The following DUT variants were observed in gnomAD, a reference collection of about 807,000 sequenced individuals.
The protein encoded by DUT is deoxyuridine 5'-triphosphate nucleotidohydrolase, mitochondrial.
DUT carries 21 observed loss-of-function variants against 28.8 expected under a neutral mutation model. The ratio of observed to expected loss-of-function variants is 0.73; its 90% CI spans 0.52 to 1.05. DUT has a LOEUF of 1.05. DUT is among the 50% of genes least tolerant of loss of function. DUT has a pLI of 0.00. For synonymous variants in DUT, 147 were observed against 143.7 expected (o/e 1.02, Z -0.17); for missense variants, 344 against 351.8 (o/e 0.98, Z 0.18).
intron 4 of DUT, among the ~76,000 whole-genome samples, chr15:48,339,935 G>T (rs1377029784): frequency 6.6e-6 from 1 of 152,052 alleles, no homozygotes; most frequent in Admixed American, 6.6e-5. Flanking sequence ...GGACCTAAGG[G>T]TTTGCTTTTT....
chr15:48,343,365 C>G lies in DUT; in HGVS notation c.*1287C>G, dbSNP rs914316288. 1.3e-5 allele frequency: 2 copies of G among 152,182 alleles called. No homozygotes were observed. Among genetic ancestry groups the G allele is most frequent in the African/African-American group, 4.8e-5 (2 of 41,450 alleles). The allele number at this position is 152,182 out of a possible 1,614,324, so 9.4% of individuals were successfully genotyped here. ...TCAATAAATTTTAAATGTTTTCCTG[C>G]TAAACTAACCAGAATGAATTCTGTT... On this transcript the variant is annotated 3_prime_UTR_variant, in exon 7 of 7. Transcript: ENST00000331200.
rs2042551108 is a variant in DUT at position 48,342,546 on chromosome 15, GA to G, written c.*472del. On this transcript the variant is annotated 3_prime_UTR_variant, in exon 7 of 7. Coordinates refer to ENST00000331200, the MANE Select transcript of DUT (RefSeq NM_001025248.2). ...GCATAAGCTGAACTAAAATAAAAAT[GA>G]AAAGGAGAGATTAAAGGTATTCCTT... 6.6e-6 allele frequency: 1 copy of G among 152,178 alleles called. No individual in the cohort carries two copies. Among genetic ancestry groups the G allele is most frequent in the South Asian group, 2.1e-4 (1 of 4,826 alleles). 9.4% of individuals were successfully genotyped at this position (152,178 alleles called of 1,614,324 possible). A position where few individuals can be genotyped will look rare whatever the true frequency, so the allele number is the denominator to read the frequency against.
At chr15:48,339,788 T>G (rs2042512926) in intron 4 of DUT, among the ~76,000 whole-genome samples, 1 of 152,172 alleles carries the variant, frequency 6.6e-6, no homozygotes, top group African/African-American at 2.4e-5. Flanking sequence ...ATCAGGAACC[T>G]TTTAAGAAGT....
intron 4 of DUT, among the ~76,000 whole-genome samples, chr15:48,337,947 C>T (rs2141164743): frequency 6.6e-6 from 1 of 152,200 alleles, no homozygotes; most frequent in Non-Finnish European, 1.5e-5. Context: ...AAAAGGTTTC[C>T]AACAAATGAC....
rs142190876 is a variant in DUT, at chr15:48,338,862, C to T, written c.557-2427C>T. Reference sequence around the variant, plus strand: ...CATAGAAACAATGGTACAGGTTGGGCGTTGTGGCTCATGCCTGTAATCCCA... The same window carrying T: ...CATAGAAACAATGGTACAGGTTGGGTGTTGTGGCTCATGCCTGTAATCCCA... On this transcript the variant is annotated intron_variant, in intron 4 of 6. Coordinates refer to ENST00000331200, the MANE Select transcript of DUT (RefSeq NM_001025248.2). 2.3e-4 allele frequency among the ~76,000 whole-genome samples: 35 copies of T among 152,310 alleles called. No homozygotes were observed. The East Asian group carries it at 5.6e-3, about 24-fold the overall frequency.
In DUT at chr15:48,341,097, C is replaced by T. The variant is rs8032685; in HGVS notation, c.557-192C>T. On this transcript the variant is annotated intron_variant, in intron 4 of 6. Coordinates refer to ENST00000331200, the MANE Select transcript of DUT (RefSeq NM_001025248.2). ...AGGTTGGAAAATTAGGACCTGTTTTCTAAATTTTTATTTGTATTTTAGTAA... is the reference window on the plus strand; with the variant it reads ...AGGTTGGAAAATTAGGACCTGTTTTTTAAATTTTTATTTGTATTTTAGTAA... The T allele has an allele frequency of 1.6e-3, 720 of 444,880 alleles. 9 individuals are homozygous for T. The highest frequency in any genetic ancestry group is 0.014 in the African/African-American group (676 of 49,180). The allele number at this position is 444,880 out of a possible 1,614,324, so 27.6% of individuals were successfully genotyped here.
intron 4 of DUT, among the ~76,000 whole-genome samples, chr15:48,339,954 T>G (rs1443743586): frequency 6.6e-6 from 1 of 152,146 alleles, no homozygotes; most frequent in Non-Finnish European, 1.5e-5. Context: ...TTTCCCCCCA[T>G]TATATGAGAA....
upstream of DUT, chr15:48,331,160 G>T: frequency 1.5e-6 from 2 of 1,376,916 alleles, no homozygotes; most frequent in Admixed American, 2.5e-5. Flanking sequence ...CTCAGAGCCC[G>T]GGAGTCATGG....
intron 4 of DUT, 120 bp from the exon 5 acceptor site, chr15:48,341,169 C>G (rs2042529807): frequency 1.6e-6 from 1 of 626,352 alleles, no homozygotes; most frequent in Non-Finnish European, 2.7e-6. Context: ...GGGCAAGATT[C>G]ACTTATTCAA....
intron 3 of DUT, 47 bp from the exon 4 acceptor site, chr15:48,335,999 A>T (rs1214475078): frequency 3.3e-6 from 5 of 1,515,916 alleles, no homozygotes; most frequent in Non-Finnish European, 4.5e-6. Context: ...TCTCTGATAT[A>T]GCCCTTCCCC....
At position 48,331,755 on chromosome 15, in the gene DUT, C is replaced by T. The variant is rs1294697733; in HGVS notation, c.240C>T (p.Gly80=). 2.1e-6 allele frequency: 3 copies of T among 1,414,992 alleles called. No individual in the cohort carries two copies. Among genetic ancestry groups the T allele is most frequent in the African/African-American group, 1.5e-5 (1 of 66,348 alleles). 87.7% of individuals were successfully genotyped at this position (1,414,992 alleles called of 1,614,324 possible). A position where few individuals can be genotyped will look rare whatever the true frequency, so the allele number is the denominator to read the frequency against. ...CAGTCGGGGCCGCTGGCTGGAAGGG[C>T]GAGCTTCCTAAGGCGGGGGGAAGCC... ...ASTVGAAGWK[G]ELPKAGGSPA... Residue 80 remains glycine, a synonymous_variant, in exon 1 of 7, where the codon GGC becomes GGT. Transcript: ENST00000331200.
Position 48,332,664 on chromosome 15 carries a change from GAAGA to G in DUT, c.419+259_419+262del, listed in dbSNP as rs1182306968. 1.7e-4 allele frequency: 113 copies of G among 660,704 alleles called. No homozygotes were observed. The East Asian group carries it at 3.3e-3, about 19-fold the overall frequency. The allele number at this position is 660,704 out of a possible 1,614,324, so 40.9% of individuals were successfully genotyped here. On this transcript the variant is annotated intron_variant, in intron 2 of 6. Transcript: ENST00000331200. The stretch of plus-strand genomic sequence containing the variant: ...ACGTTTATTGTGCCCTTCCTAAATA[GAAGA>G]TAGAGAGGAAGGCCCATGGTGGCTT...
chr15:48,341,452 G>T, intron 5 of DUT, 63 bp from the exon 6 acceptor site: 3 of 1,566,096 alleles, frequency 1.9e-6, no homozygotes, highest in Non-Finnish European at 2.6e-6. Context: ...AATTCTCATT[G>T]AATAAGACAG....
At chr15:48,337,463 T>G (rs1293632503) in intron 4 of DUT, among the ~76,000 whole-genome samples, 2 of 152,182 alleles carry the variant, frequency 1.3e-5, no homozygotes, top group Non-Finnish European at 2.9e-5. Context: ...CATTTTACAA[T>G]GGAAATTAGT....
chr15:48,334,428 A>T lies in DUT; in HGVS notation c.431A>T (p.Tyr144Phe). 6.3e-7 allele frequency: 1 copy of T among 1,596,694 alleles called. No individual in the cohort carries two copies. The highest frequency in any genetic ancestry group is 8.6e-7 in the Non-Finnish European group (1 of 1,169,112). ...AGYDLYSAYD[Y>F]TIPPMEKAVV... ...CAATATTTTCTTAGTGCCTATGATT[A>T]CACAATACCACCTATGGAGAAAGCT... Residue 144 changes from tyrosine (Y) to phenylalanine (F), a missense_variant, in exon 3 of 7, where the codon TAC becomes TTC. Physicochemically the swap from Tyr to Phe is conservative, Grantham distance 22. Coordinates refer to ENST00000331200, the MANE Select transcript of DUT (RefSeq NM_001025248.2).
chr15:48,335,564 C>A (rs2141161591), intron 3 of DUT, among the ~76,000 whole-genome samples: 1 of 152,010 alleles, frequency 6.6e-6, no homozygotes, highest in South Asian at 2.1e-4. Context: ...GGTTTGTTTC[C>A]CTCTCCCTTC....
In DUT at chr15:48,342,217, CT is replaced by C. The variant is rs988816828; in HGVS notation, c.*147del. The C allele has an allele frequency of 1.1e-4, 49 of 438,714 alleles. No individual in the cohort carries two copies. Among genetic ancestry groups the C allele is most frequent in the East Asian group, 2.3e-4 (6 of 26,190 alleles). 27.2% of individuals were successfully genotyped at this position (438,714 alleles called of 1,614,324 possible). A position where few individuals can be genotyped will look rare whatever the true frequency, so the allele number is the denominator to read the frequency against. On this transcript the variant is annotated 3_prime_UTR_variant, in exon 7 of 7. Coordinates refer to ENST00000331200, the MANE Select transcript of DUT (RefSeq NM_001025248.2). The stretch of plus-strand genomic sequence containing the variant: ...CCTTCTAAAAGTACTGCATTTTTTA[CT>C]TTTTTTTATGATCAAGGAAAAGATC...
intron 1 of DUT, 156 bp downstream of exon 1, chr15:48,331,951 AGT>A: frequency 1.1e-6 from 1 of 891,250 alleles, no homozygotes; most frequent in Non-Finnish European, 1.6e-6. Context: ...GCGGCTTTCT[AGT>A]GTGTGAGGGC....
In DUT at chr15:48,334,425, A is replaced by G. The variant is rs750160491; in HGVS notation, c.428A>G (p.Asp143Gly). The G allele has an allele frequency of 6.3e-6, 10 of 1,590,976 alleles. No homozygotes were observed. The highest frequency in any genetic ancestry group is 1.7e-6 in the Non-Finnish European group (2 of 1,165,684). The change falls in exon 3 of 7, where the codon GAT (aspartate) becomes GGT (glycine). Residue 143 changes from aspartate (D) to glycine (G), a missense_variant. Asp to Gly is a moderately conservative substitution (Grantham distance 94, BLOSUM62 -1). Coordinates refer to ENST00000331200, the MANE Select transcript of DUT (RefSeq NM_001025248.2). Reference protein sequence around the residue: ...AAGYDLYSAYDYTIPPMEKAV... With the variant: ...AAGYDLYSAYGYTIPPMEKAV... ...TTTCAATATTTTCTTAGTGCCTATG[A>G]TTACACAATACCACCTATGGAGAAA...
Sources: allele counts gnomAD v4.1 joint callset (sites outside exome capture counted in the v4.1 genomes callset), GRCh38; gene constraint gnomAD v4.1.1; transcripts MANE v1.5; gene names NCBI Gene and HGNC (gene_info 2026-07-23, HGNC 2026-07-21).